CDH17: variants seen among roughly 807,000 people sequenced by gnomAD.
CDH17 encodes cadherin 17.
In CDH17, 67 loss-of-function variants were observed where a neutral mutation model predicts 86.3. The ratio of observed to expected loss-of-function variants is 0.78; its 90% CI spans 0.64 to 0.95. The LOEUF is 0.95. Ranked by LOEUF, CDH17 falls within the 40% of genes least tolerant of loss-of-function variation. The probability of loss-of-function intolerance (pLI) is 0.00; values close to 1 mark genes in which losing one functional copy is unlikely to be tolerated. For missense variants in CDH17, 993 were observed against 1,017.6 expected (o/e 0.98, Z 0.33); for synonymous variants, 367 against 366.4 (o/e 1.00, Z -0.02).
Position 94,174,363 on chromosome 8 carries a change from G to A in CDH17, c.425-103C>T. 3 of 1,123,614 alleles carry A rather than the reference G, an allele frequency of 2.7e-6. No individual in the cohort carries two copies. In the South Asian group the frequency reaches 4.8e-5, roughly 18 times the overall value. 69.6% of individuals were successfully genotyped at this position (1,123,614 alleles called of 1,614,324 possible). Reference sequence around the variant, plus strand: ...CATCTAAAAAGTGGAGATATAATAGGGAAAGGTATGACAATTCACACCAGT... The same window carrying A: ...CATCTAAAAAGTGGAGATATAATAGAGAAAGGTATGACAATTCACACCAGT... On this transcript the variant is annotated intron_variant, in intron 5 of 17. Coordinates refer to ENST00000027335, the MANE Select transcript of CDH17 (RefSeq NM_004063.4).
intron 17 of CDH17, among the ~76,000 whole-genome samples, chr8:94,130,203 C>A (rs1270962606): frequency 6.6e-6 from 1 of 152,122 alleles, no homozygotes; most frequent in Admixed American, 6.5e-5. Flanking sequence ...ATCTCAGCAT[C>A]GCCACTGGAA....
At chr8:94,144,802 C>T (rs1354393469) in intron 15 of CDH17, among the ~76,000 whole-genome samples, 2 of 152,078 alleles carry the variant, frequency 1.3e-5, no homozygotes, top group East Asian at 3.9e-4. Context: ...ATTAAAAATG[C>T]TTGCAACTCA....
intron 2 of CDH17, 27 bp from the exon 3 acceptor site, chr8:94,189,312 C>A: frequency 6.6e-7 from 1 of 1,515,686 alleles, no homozygotes; most frequent in Non-Finnish European, 9.1e-7. Flanking sequence ...AGAAAATTAG[C>A]ATCTTGTATG....
intron 1 of CDH17, among the ~76,000 whole-genome samples, chr8:94,200,199 A>T (rs1465430686): frequency 6.6e-6 from 1 of 152,162 alleles, no homozygotes; most frequent in East Asian, 1.9e-4. Context: ...CCTTCCATGG[A>T]CACAATACCA....
rs1462982250 is a variant in CDH17 at position 94,189,306 on chromosome 8, A to G, written c.52-21T>C. ...GTTGCCTGTTAAAAAAGAAAGAGAA[A>G]ATTAGCATCTTGTATGAAGTGTCTG... On this transcript the variant is annotated intron_variant, in intron 2 of 17. Transcript: ENST00000027335. The G allele has an allele frequency of 1.1e-5, 17 of 1,546,080 alleles. No homozygotes were observed. In the Admixed American group the frequency reaches 3.1e-4, roughly 28 times the overall value.
chr8:94,147,772 T>C (rs1405158021), intron 14 of CDH17, among the ~76,000 whole-genome samples: 1 of 152,196 alleles, frequency 6.6e-6, no homozygotes, highest in East Asian at 1.9e-4. Flanking sequence ...AGGCAATATA[T>C]ATCAGCACAA....
chr8:94,142,662 T>A (rs1175898444), intron 15 of CDH17, among the ~76,000 whole-genome samples: 1 of 152,232 alleles, frequency 6.6e-6, no homozygotes, highest in Non-Finnish European at 1.5e-5. Context: ...ATCAACTATG[T>A]TTATGGAATA....
intron 13 of CDH17, among the ~76,000 whole-genome samples, chr8:94,149,465 T>C (rs529346116): frequency 1.3e-5 from 2 of 152,172 alleles, no homozygotes; most frequent in South Asian, 4.2e-4. Flanking sequence ...TTGATTCCAA[T>C]AAAATGTGGT....
Position 94,152,042 on chromosome 8 carries a change from A to G in CDH17, c.1622T>C (p.Phe541Ser), listed in dbSNP as rs780586258. ...AGAACTTGCATTGTACTTCACACCA[A>G]ACACTAGAGGCTCAGGATTTTCTGC... is the stretch of plus-strand genomic sequence containing the variant. ...FKAENPEPLV[F>S]GVKYNASSFA... The change falls in exon 13 of 18, where the codon TTT becomes TCT. Residue 541 changes from phenylalanine (F) to serine (S), a missense_variant. Coordinates refer to ENST00000027335, the MANE Select transcript of CDH17 (RefSeq NM_004063.4). 1.2e-6 allele frequency: 2 copies of G among 1,614,210 alleles called. No homozygotes were observed. The highest frequency in any genetic ancestry group is 4.5e-5 in the East Asian group (2 of 44,860).
At chr8:94,162,710 CAGGA>C (rs1813079173) in intron 10 of CDH17, among the ~76,000 whole-genome samples, 1 of 152,202 alleles carries the variant, frequency 6.6e-6, no homozygotes, top group African/African-American at 2.4e-5. Context: ...ACCCAGCCTG[CAGGA>C]AGCAAGGTGG....
upstream of CDH17, chr8:94,208,653 C>T (rs1814074754): frequency 6.6e-6 from 1 of 152,180 alleles, no homozygotes; most frequent in Admixed American, 6.5e-5. Flanking sequence ...TTTTTTATTG[C>T]TCTTCGAGAG....
chr8:94,144,242 G>A (rs1296418397), intron 15 of CDH17, among the ~76,000 whole-genome samples: 13 of 152,168 alleles, frequency 8.5e-5, no homozygotes, highest in African/African-American at 1.7e-4. Context: ...GTACGTCGAC[G>A]TCGCACTGAC....
rs1042834221 is a variant in CDH17 at position 94,127,469 on chromosome 8, A to G, written c.*771T>C. ...ATTGATTAAAGATGGTTAATGACACAGAAACATTTCTGTTAATACTAAGGG... is the reference window on the plus strand; with the variant it reads ...ATTGATTAAAGATGGTTAATGACACGGAAACATTTCTGTTAATACTAAGGG... On this transcript the variant is annotated 3_prime_UTR_variant, in exon 18 of 18. Transcript: ENST00000027335. The G allele has an allele frequency of 6.6e-6, 1 of 152,244 alleles. No individual in the cohort carries two copies. The highest frequency in any genetic ancestry group is 2.4e-5 in the African/African-American group (1 of 41,470). The allele number at this position is 152,244 out of a possible 1,614,324, so 9.4% of individuals were successfully genotyped here. A position where few individuals can be genotyped will look rare whatever the true frequency, so the allele number is the denominator to read the frequency against.
chr8:94,152,078 A>G lies in CDH17; in HGVS notation c.1586T>C (p.Ile529Thr), dbSNP rs1296757477. 25 of 1,614,056 alleles carry G rather than the reference A, an allele frequency of 1.5e-5. No individual in the cohort carries two copies. Among genetic ancestry groups the G allele is most frequent in the Non-Finnish European group, 1.9e-5 (23 of 1,180,022 alleles). Residue 529 changes from isoleucine (I) to threonine (T), a missense_variant, in exon 13 of 18, where the codon ATT (isoleucine) becomes ACT (threonine). Physicochemically the swap from Ile to Thr is moderately conservative, Grantham distance 89 (BLOSUM62 -1). Transcript: ENST00000027335. Reference protein sequence around the residue: ...LDFETAAVSNIVFKAENPEPL... With the variant: ...LDFETAAVSNTVFKAENPEPL... Reference sequence around the variant, plus strand: ...CTCAGGATTTTCTGCTTTGAACACAATGTTGGAAACAGCTGCTGTTTCAAA... The same window carrying G: ...CTCAGGATTTTCTGCTTTGAACACAGTGTTGGAAACAGCTGCTGTTTCAAA...
intron 12 of CDH17, among the ~76,000 whole-genome samples, chr8:94,156,091 C>G (rs1812944479): frequency 6.6e-6 from 1 of 152,236 alleles, no homozygotes; most frequent in Admixed American, 6.5e-5. Context: ...TGGCCTCAGT[C>G]CCATCTGGCA....
chr8:94,142,096 A>G (rs1375746230), intron 15 of CDH17, among the ~76,000 whole-genome samples: 1 of 152,196 alleles, frequency 6.6e-6, no homozygotes, highest in African/African-American at 2.4e-5. Flanking sequence ...TCAATGTAAA[A>G]AAAGGATGTT....
chr8:94,130,541 A>G (rs1188743546), intron 17 of CDH17, 85 bp downstream of exon 17: 6 of 869,390 alleles, frequency 6.9e-6, no homozygotes, highest in Non-Finnish European at 1.1e-5. Context: ...CAGCCACCAG[A>G]CCAGTCCAGG....
At chr8:94,183,836 C>T (rs941596631) in intron 3 of CDH17, among the ~76,000 whole-genome samples, 26 of 150,996 alleles carry the variant, frequency 1.7e-4, no homozygotes, top group East Asian at 1.2e-3. Context: ...AACTTGTATA[C>T]GGAATATGTA....
At chr8:94,163,597 C>T (rs1813099852) in intron 10 of CDH17, among the ~76,000 whole-genome samples, 2 of 152,252 alleles carry the variant, frequency 1.3e-5, no homozygotes, top group South Asian at 2.1e-4. Context: ...CTGTTGGTTT[C>T]CCTTAACCCT....
Sources: gnomAD v4.1 joint callset for allele counts (sites outside exome capture counted in the v4.1 genomes callset) on GRCh38, gnomAD v4.1.1 for gene constraint, MANE v1.5 for transcripts, NCBI Gene and HGNC (gene_info 2026-07-23, HGNC 2026-07-21) for gene names.